Variants in CTSB observed in about 807,000 individuals in gnomAD.
CTSB encodes cathepsin B.
Under a neutral mutation model 44.3 loss-of-function variants are expected in CTSB, and 57 were observed. The ratio of observed to expected loss-of-function variants is 1.29; its 90% CI spans 1.04 to 1.60. The LOEUF (loss-of-function observed/expected upper bound fraction) is 1.60, where lower values mean the gene tolerates loss of function less well. CTSB is among the 40% of genes most tolerant of loss of function. The pLI is 0.00. For missense variants in CTSB, 768 were observed against 443.0 expected, an observed-to-expected ratio of 1.73 and a Z score of -6.59; for synonymous variants, 320 against 168.0, an observed-to-expected ratio of 1.91 and a Z score of -7.00.
intron 8 of CTSB, 62 bp from the exon 9 acceptor site, chr8:11,845,851 C>T: frequency 2.0e-6 from 3 of 1,510,506 alleles, no homozygotes; most frequent in Non-Finnish European, 2.7e-6. Flanking sequence ...CCACAGCACC[C>T]CCCACACTCA....
chr8:11,853,184 A>T lies in CTSB; in HGVS notation c.126+145T>A, dbSNP rs942570241. Reference sequence around the variant, plus strand: ...AGGAGGGAGGCGTGGTCCAGAGCCGACATGACTCAGGGTCAGGGCCATTTT... The same window carrying T: ...AGGAGGGAGGCGTGGTCCAGAGCCGTCATGACTCAGGGTCAGGGCCATTTT... On this transcript the variant is annotated intron_variant, in intron 2 of 9. Coordinates refer to ENST00000353047, the MANE Select transcript of CTSB (RefSeq NM_001908.5). 4.5e-6 allele frequency: 5 copies of T among 1,114,986 alleles called. No homozygotes were observed. In the East Asian group the frequency reaches 7.2e-5, roughly 16 times the overall value. 69.1% of individuals were successfully genotyped at this position (1,114,986 alleles called of 1,614,324 possible).
In CTSB at chr8:11,852,654, C is replaced by T; in HGVS notation, c.168G>A (p.Lys56=). Residue 56 remains lysine (K), a synonymous_variant, in exon 3 of 10, where the codon AAG becomes AAA. Coordinates refer to ENST00000353047, the MANE Select transcript of CTSB (RefSeq NM_001908.5). The part of the protein sequence containing the change: ...NFYNVDMSYL[K]RLCGTFLGGP... ...CACCCAGGAAGGTACCACATAGCCT[C>T]TTCAAGTAGCTCATGTCCACGTTGT... 2 of 1,614,102 alleles carry T rather than the reference C, an allele frequency of 1.2e-6. No homozygotes were observed. The highest frequency in any genetic ancestry group is 8.5e-7 in the Non-Finnish European group (1 of 1,180,030).
At chr8:11,847,619 G>T in intron 7 of CTSB, 60 bp downstream of exon 7, 3 of 1,486,674 alleles carry the variant, frequency 2.0e-6, no homozygotes, top group Non-Finnish European at 2.7e-6. Context: ...GCAGCGTGAG[G>T]AGGGATGCAG....
intron 9 of CTSB, 91 bp downstream of exon 9, chr8:11,845,570 C>A: frequency 6.7e-7 from 1 of 1,486,140 alleles, no homozygotes; most frequent in Non-Finnish European, 9.2e-7. Context: ...GGGTTTAAGG[C>A]TGTGCGGTGG....
At chr8:11,854,675 T>A (rs895908820) in intron 1 of CTSB, 4 of 152,050 alleles carry the variant, frequency 2.6e-5, no homozygotes, top group African/African-American at 9.7e-5. Flanking sequence ...GAGATGGGGT[T>A]TTACCATGTT....
rs977645402 is a variant in CTSB at position 11,845,937 on chromosome 8, C to A, written c.794-148G>T. On this transcript the variant is annotated intron_variant, in intron 8 of 9. Coordinates refer to ENST00000353047, the MANE Select transcript of CTSB (RefSeq NM_001908.5). ...TCCACCAGGAGGCTCCAGGGGGGGT[C>A]CCACAATACTGGGGAATTAAATATA... The A allele has an allele frequency of 3.6e-6, 3 of 838,134 alleles. No individual in the cohort carries two copies. In the African/African-American group the frequency reaches 5.3e-5, roughly 15 times the overall value. The allele number at this position is 838,134 out of a possible 1,614,324, so 51.9% of individuals were successfully genotyped here. A position where few individuals can be genotyped will look rare whatever the true frequency, so the allele number is the denominator to read the frequency against.
chr8:11,850,631 G>A (rs1425191226), intron 4 of CTSB: 3 of 361,204 alleles, frequency 8.3e-6, no homozygotes, highest in East Asian at 4.3e-5. Context: ...GAGCTGCTTC[G>A]CCACCTGTAC....
chr8:11,845,824 G>A, intron 8 of CTSB, 35 bp from the exon 9 acceptor site: 2 of 1,586,888 alleles, frequency 1.3e-6, no homozygotes, highest in Non-Finnish European at 1.7e-6. Context: ...ACCGAGACCG[G>A]GCCACTGTCC....
At chr8:11,857,394 AGTGACCCACACAGCCTCCACACT>A in intron 1 of CTSB, among the ~76,000 whole-genome samples, 1 of 152,078 alleles carries the variant, frequency 6.6e-6, no homozygotes, top group Non-Finnish European at 1.5e-5. Flanking sequence ...CATGCATGTC[AGTGACCCACACAGCCTCCACACT>A]GTGAGGTTAG....
At position 11,845,854 on chromosome 8, in the gene CTSB, C is replaced by A. The variant is rs1292815909; in HGVS notation, c.794-65G>T. 70 of 1,504,572 alleles carry A rather than the reference C, an allele frequency of 4.7e-5. No individual in the cohort carries two copies. In the Admixed American group the frequency reaches 1.1e-3, roughly 24 times the overall value. 93.2% of individuals were successfully genotyped at this position (1,504,572 alleles called of 1,614,324 possible). A position where few individuals can be genotyped will look rare whatever the true frequency, so the allele number is the denominator to read the frequency against. On this transcript the variant is annotated intron_variant, in intron 8 of 9. Transcript: ENST00000353047. ...CTGTCCCACGCCCCACAGCACCCCCCACACTCAGCTGGTCATGCTCCGGGA... is the reference window on the plus strand; with the variant it reads ...CTGTCCCACGCCCCACAGCACCCCCAACACTCAGCTGGTCATGCTCCGGGA...
At chr8:11,848,588 C>T (rs1044634659) in intron 5 of CTSB, 18 of 329,630 alleles carry the variant, frequency 5.5e-5, no homozygotes, top group Non-Finnish European at 1.0e-4. Flanking sequence ...TCAGGCATTT[C>T]GGATCTGCAG....
At chr8:11,848,010 T>A (rs995631446) in intron 6 of CTSB, 57 bp downstream of exon 6, 3 of 1,444,564 alleles carry the variant, frequency 2.1e-6, no homozygotes, top group African/African-American at 1.4e-5. Flanking sequence ...AAAGCCATGA[T>A]GGTTAATTGC....
At chr8:11,856,882 A>C (rs1450526839) in intron 1 of CTSB, among the ~76,000 whole-genome samples, 2 of 151,860 alleles carry the variant, frequency 1.3e-5, no homozygotes, top group Non-Finnish European at 2.9e-5. Flanking sequence ...GTATGTTCCT[A>C]TTATTTCAGT....
intron 6 of CTSB, 111 bp from the exon 7 acceptor site, chr8:11,847,933 G>T (rs2294139): frequency 0.34 from 467,202 of 1,379,986 alleles, 80,395 homozygotes; most frequent in East Asian, 0.43. Flanking sequence ...CCTGCCAGAG[G>T]CCTGTGCACC....
intron 4 of CTSB, 114 bp from the exon 5 acceptor site, chr8:11,849,278 A>G (rs1412333014): frequency 2.1e-5 from 15 of 711,336 alleles, no homozygotes; most frequent in East Asian, 5.3e-5. Context: ...CTGATCTCTC[A>G]ACACCAGGGG....
rs1563390105 is a variant in CTSB, at chr8:11,848,074, G to A, written c.525C>T (p.Ser175=). The part of the protein sequence containing the change: ...KGLVSGGLYE[S]HVGCRPYSIP... ...CCAAGGGGACACACTTACCTACATG[G>A]GATTCATAGAGGCCACCAGAAACCA... Residue 175 remains serine (S), a synonymous_variant, in exon 6 of 10, where the codon TCC becomes TCT. Coordinates refer to ENST00000353047, the MANE Select transcript of CTSB (RefSeq NM_001908.5). The A allele has an allele frequency of 1.2e-6, 2 of 1,612,114 alleles. No homozygotes were observed. Among genetic ancestry groups the A allele is most frequent in the Admixed American group, 1.7e-5 (1 of 59,922 alleles).
At chr8:11,848,750 A>G (rs1427478427) in intron 5 of CTSB, 1 of 323,320 alleles carries the variant, frequency 3.1e-6, no homozygotes. Context: ...AGCAGGAAAA[A>G]GGAACATGCG....
At chr8:11,846,912 T>G (rs571037989) in intron 8 of CTSB, 140 bp downstream of exon 8, 5 of 654,856 alleles carry the variant, frequency 7.6e-6, no homozygotes, top group Non-Finnish European at 1.4e-5. Context: ...TGAGCCTATA[T>G]GGAAGGCCCC....
chr8:11,846,125 T>G, intron 8 of CTSB: 1 of 174,336 alleles, frequency 5.7e-6, no homozygotes, highest in Non-Finnish European at 1.2e-5. Flanking sequence ...TGGGATTCCA[T>G]GTAAGTAAGG....
Sources: gnomAD v4.1 joint callset for allele counts (sites outside exome capture counted in the v4.1 genomes callset) on GRCh38, gnomAD v4.1.1 for gene constraint, MANE v1.5 for transcripts, NCBI Gene and HGNC (gene_info 2026-07-23, HGNC 2026-07-21) for gene names.